Variants in PRH1 observed in about 807,000 individuals in gnomAD.
PRH1 encodes proline rich protein HaeIII subfamily 1.
PRH1 carries 7 observed loss-of-function variants against 7.9 expected under a neutral mutation model. The observed-to-expected ratio is 0.89, with a 90% CI of 0.50 to 1.67. The LOEUF (loss-of-function observed/expected upper bound fraction) is 1.67. Ranked by LOEUF, PRH1 falls within the 40% of genes most tolerant of loss-of-function variation. PRH1 has a pLI of 0.00. For missense variants in PRH1, 109 were observed against 223.6 expected (o/e 0.49, Z 3.27); for synonymous variants, 45 against 80.8 (o/e 0.56, Z 2.38).
At chr12:11,105,290 G>A (rs1945377413) in intron 1 of PRH1, among the ~76,000 whole-genome samples, 2 of 151,376 alleles carry the variant, frequency 1.3e-5, no homozygotes, top group African/African-American at 2.4e-5. Context: ...AAAAATGATT[G>A]GTAGTAAATT....
intron 2 of PRH1, among the ~76,000 whole-genome samples, chr12:10,898,884 G>A (rs1949685306): frequency 6.6e-6 from 1 of 152,210 alleles, no homozygotes; most frequent in Admixed American, 6.5e-5. Context: ...GGAAGAACAA[G>A]GAAAGCAGTG....
chr12:11,106,313 T>C (rs940736919), intron 1 of PRH1, among the ~76,000 whole-genome samples: 1 of 152,168 alleles, frequency 6.6e-6, no homozygotes, highest in Non-Finnish European at 1.5e-5. Flanking sequence ...CACTCATGGA[T>C]AGAAGAAATT....
At chr12:10,903,903 A>G (rs1171980867) in intron 2 of PRH1, among the ~76,000 whole-genome samples, 1 of 148,156 alleles carries the variant, frequency 6.7e-6, no homozygotes, top group Non-Finnish European at 1.5e-5. Flanking sequence ...GAGCCAAATC[A>G]AGAATGCAAT....
At chr12:10,938,248 A>G in intron 2 of PRH1, 2 of 1,546,566 alleles carry the variant, frequency 1.3e-6, no homozygotes, top group Non-Finnish European at 1.7e-6. Context: ...TTTTTTTCTA[A>G]TATATTCAAG....
chr12:11,057,694 T>C (rs1482223069), intron 1 of PRH1, among the ~76,000 whole-genome samples: 7 of 152,094 alleles, frequency 4.6e-5, no homozygotes, highest in African/African-American at 1.7e-4. Context: ...CAGATTACCA[T>C]AAACTTCAAT....
At chr12:10,976,984 G>A (rs1388260837) in intron 1 of PRH1, among the ~76,000 whole-genome samples, 2 of 152,160 alleles carry the variant, frequency 1.3e-5, no homozygotes, top group African/African-American at 2.4e-5. Context: ...TCTATCAAAT[G>A]TATAACAAAG....
chr12:11,039,850 C>A (rs1220441200), intron 1 of PRH1, among the ~76,000 whole-genome samples: 1 of 77,718 alleles, frequency 1.3e-5, no homozygotes, highest in Non-Finnish European at 3.3e-5. Context: ...TACATACTCA[C>A]CCCCTCATGG....
chr12:10,882,356 C>T lies in PRH1; in HGVS notation c.443G>A (p.Gly148Glu). The T allele has an allele frequency of 2.5e-6, 4 of 1,604,342 alleles. No individual in the cohort carries two copies. The highest frequency in any genetic ancestry group is 2.6e-6 in the Non-Finnish European group (3 of 1,174,594). The stretch of plus-strand genomic sequence containing the variant: ...CTGATGGCCTCCCTGTTGGGGTGGT[C>T]CTTGTGGCCTTCCTCGAGGAGGACG... Reference protein sequence around the residue: ...HPRPPRGRPQGPPQQGGHQQG... With the variant: ...HPRPPRGRPQEPPQQGGHQQG... Residue 148 changes from glycine (G) to glutamate (E), a missense_variant, in exon 3 of 4, where the codon GGA (glycine) becomes GAA (glutamate). Gly to Glu is a moderately conservative substitution (Grantham distance 98). Coordinates refer to ENST00000543626, the MANE Select transcript of PRH1 (RefSeq NM_001393989.1).
At chr12:11,022,238 T>G (rs1357253136) in intron 1 of PRH1, 1 of 1,614,182 alleles carries the variant, frequency 6.2e-7, no homozygotes. Context: ...TTGGAGAAAT[T>G]GGCAATCTTG....
At chr12:11,052,569 C>A (rs2136154144) in intron 1 of PRH1, among the ~76,000 whole-genome samples, 1 of 152,262 alleles carries the variant, frequency 6.6e-6, no homozygotes, top group East Asian at 1.9e-4. Context: ...AAAATCCCTG[C>A]AACATTTCTC....
At chr12:10,938,790 A>C (rs1950339516) in intron 2 of PRH1, 1 of 1,613,358 alleles carries the variant, frequency 6.2e-7, no homozygotes, top group Non-Finnish European at 8.5e-7. Context: ...AAAAACAAGA[A>C]GACCGAAGTC....
chr12:10,966,200 C>T (rs1352319031), intron 2 of PRH1, among the ~76,000 whole-genome samples: 1 of 152,150 alleles, frequency 6.6e-6, no homozygotes, highest in Non-Finnish European at 1.5e-5. Flanking sequence ...AAGTTACTCT[C>T]AAGTCTATTG....
chr12:10,926,446 T>C (rs1333204669), intron 2 of PRH1, among the ~76,000 whole-genome samples: 1 of 152,186 alleles, frequency 6.6e-6, no homozygotes, highest in Admixed American at 6.5e-5. Context: ...TTTAGTCATG[T>C]GGGTGTGAAA....
At chr12:10,988,446 T>C (rs1177571652) in intron 1 of PRH1, among the ~76,000 whole-genome samples, 3 of 152,142 alleles carry the variant, frequency 2.0e-5, no homozygotes, top group South Asian at 2.1e-4. Context: ...CATCTGAAAT[T>C]TCCATATGTT....
At chr12:11,075,839 T>G (rs748325050) in intron 1 of PRH1, among the ~76,000 whole-genome samples, 17,690 of 87,468 alleles carry the variant, frequency 0.2, 3,097 homozygotes, top group Non-Finnish European at 0.26. Context: ...GAGTTTCGTT[T>G]TCACTGGTTT....
At chr12:10,997,113 G>T in intron 1 of PRH1, 7 of 1,613,972 alleles carry the variant, frequency 4.3e-6, no homozygotes, top group Non-Finnish European at 5.9e-6. Flanking sequence ...TCTTTTGGTC[G>T]CATCTTAAAA....
chr12:10,906,484 T>C (rs988503903), intron 2 of PRH1, among the ~76,000 whole-genome samples: 1 of 152,226 alleles, frequency 6.6e-6, no homozygotes, highest in Non-Finnish European at 1.5e-5. Context: ...AAAGAACTTA[T>C]ATTCAGAATG....
At chr12:10,921,029 G>A (rs562659062) in intron 2 of PRH1, among the ~76,000 whole-genome samples, 9 of 151,994 alleles carry the variant, frequency 5.9e-5, no homozygotes, top group African/African-American at 2.2e-4. Context: ...CAAATTCTTA[G>A]AATGAATCTT....
upstream of PRH1, among the ~76,000 whole-genome samples, chr12:11,049,836 A>G (rs954383501): frequency 2.0e-5 from 3 of 152,220 alleles, no homozygotes; most frequent in African/African-American, 7.2e-5. Context: ...GGAGGCCAAT[A>G]CACCTTAAAA....
Sources: gnomAD v4.1 joint callset for allele counts (sites outside exome capture counted in the v4.1 genomes callset) on GRCh38, gnomAD v4.1.1 for gene constraint, MANE v1.5 for transcripts, NCBI Gene and HGNC (gene_info 2026-07-23, HGNC 2026-07-21) for gene names.